Variants in UNC5C observed in about 807,000 individuals in gnomAD.
UNC5C encodes the protein unc-5 netrin receptor C.
A neutral mutation model predicts 99.8 loss-of-function variants in UNC5C; 47 were observed. The ratio of observed to expected loss-of-function variants is 0.47; its 90% CI spans 0.37 to 0.60. UNC5C has a LOEUF of 0.60. Among genes scored for constraint, UNC5C ranks in the 20% least tolerant of loss-of-function variants. UNC5C has a pLI of 0.00. For missense variants in UNC5C, 1,062 were observed against 1,165.9 expected, an observed-to-expected ratio of 0.91 and a Z score of 1.30; for synonymous variants, 487 against 452.2, an observed-to-expected ratio of 1.08 and a Z score of -0.98.
At chr4:95,387,676 T>C (rs1745249846) in intron 1 of UNC5C, among the ~76,000 whole-genome samples, 1 of 152,246 alleles carries the variant, frequency 6.6e-6, no homozygotes, top group Non-Finnish European at 1.5e-5. Context: ...TGAACTTTTG[T>C]AATCTGCCAG....
chr4:95,338,880 G>A (rs1161354357), intron 1 of UNC5C, among the ~76,000 whole-genome samples: 1 of 151,972 alleles, frequency 6.6e-6, no homozygotes, highest in Non-Finnish European at 1.5e-5. Context: ...GTGTGGCCCG[G>A]TGTAGAATGA....
At chr4:95,207,209 G>A (rs971908888) in intron 10 of UNC5C, among the ~76,000 whole-genome samples, 5 of 152,056 alleles carry the variant, frequency 3.3e-5, no homozygotes. Context: ...TGTGGTTTCA[G>A]GACCTGACTT....
At chr4:95,201,630 G>A (rs1439464250) in intron 12 of UNC5C, among the ~76,000 whole-genome samples, 1 of 150,154 alleles carries the variant, frequency 6.7e-6, no homozygotes, top group Non-Finnish European at 1.5e-5. Flanking sequence ...TTCAGACAGA[G>A]TTTCACTCTG....
At chr4:95,430,845 G>C (rs1746616762) in intron 1 of UNC5C, among the ~76,000 whole-genome samples, 1 of 152,058 alleles carries the variant, frequency 6.6e-6, no homozygotes, top group Non-Finnish European at 1.5e-5. Context: ...ATGAATGGTG[G>C]TGAGCTCCAC....
rs1003671779 is a variant in UNC5C at position 95,168,175 on chromosome 4, A to C, written c.*1059T>G. On this transcript the variant is annotated 3_prime_UTR_variant, in exon 16 of 16. Coordinates refer to ENST00000453304, the MANE Select transcript of UNC5C (RefSeq NM_003728.4). ...TTAAGACTCCTCAGAGGAGAAAGAA[A>C]GACCCTGCCTGAGCAAGCTGAAGGA... 3 of 152,230 alleles carry C rather than the reference A, an allele frequency of 2.0e-5. No homozygotes were observed. Among genetic ancestry groups the C allele is most frequent in the African/African-American group, 7.2e-5 (3 of 41,452 alleles). 9.4% of individuals were successfully genotyped at this position (152,230 alleles called of 1,614,324 possible).
intron 13 of UNC5C, 46 bp downstream of exon 13, chr4:95,185,001 T>C: frequency 6.5e-7 from 1 of 1,544,306 alleles, no homozygotes; most frequent in African/African-American, 1.4e-5. Context: ...TTAGACCTCT[T>C]TCTTAGAGAT....
intron 12 of UNC5C, 116 bp from the exon 13 acceptor site, chr4:95,185,312 C>T: frequency 1.6e-6 from 2 of 1,245,188 alleles, no homozygotes; most frequent in Non-Finnish European, 1.1e-6. Context: ...ACTTGTGCAA[C>T]ACCTTGAACA....
chr4:95,292,702 G>A (rs971043176), intron 3 of UNC5C, among the ~76,000 whole-genome samples: 13 of 152,114 alleles, frequency 8.5e-5, no homozygotes, highest in African/African-American at 2.4e-4. Flanking sequence ...CCAGCTACCT[G>A]ATGTTCTTGA....
At position 95,504,606 on chromosome 4, in the gene UNC5C, C is replaced by A. The variant is rs75433160; in HGVS notation, c.124+44128G>T. Among the ~76,000 whole-genome samples the A allele has an allele frequency of 1.6e-4, 24 of 152,046 alleles. No homozygotes were observed. The East Asian group carries it at 3.7e-3, about 23-fold the overall frequency. On this transcript the variant is annotated intron_variant, in intron 1 of 15. Coordinates refer to ENST00000453304, the MANE Select transcript of UNC5C (RefSeq NM_003728.4). ...ATTATTTAAAGGCAAGGAGAAAATTCTTTTAAATTGGAGAAAAACACACGT... is the reference window on the plus strand; with the variant it reads ...ATTATTTAAAGGCAAGGAGAAAATTATTTTAAATTGGAGAAAAACACACGT...
At position 95,374,915 on chromosome 4, in the gene UNC5C, T is replaced by C. The variant is rs567940472; in HGVS notation, c.125-39284A>G. ...AGGAAGTTAAAAATGTTATGGTTGC[T>C]AAATTATAATAACATCGCAGGTTGA... On this transcript the variant is annotated intron_variant, in intron 1 of 15. Transcript: ENST00000453304. 3.9e-5 allele frequency among the ~76,000 whole-genome samples: 6 copies of C among 152,352 alleles called. 1 individual carries two copies. In the South Asian group the frequency reaches 1.2e-3, roughly 32 times the overall value.
intron 1 of UNC5C, among the ~76,000 whole-genome samples, chr4:95,387,056 T>C (rs1416451511): frequency 1.4e-5 from 2 of 143,280 alleles, no homozygotes; most frequent in Non-Finnish European, 3.0e-5. Flanking sequence ...CATAAAGAAG[T>C]AATATTTAAA....
intron 12 of UNC5C, among the ~76,000 whole-genome samples, chr4:95,188,208 T>C (rs1196113245): frequency 3.3e-5 from 5 of 152,128 alleles, no homozygotes; most frequent in Non-Finnish European, 7.4e-5. Context: ...CTTTCACTAG[T>C]ACCTGGGGAA....
At chr4:95,375,251 T>C (rs981443993) in intron 1 of UNC5C, among the ~76,000 whole-genome samples, 4 of 152,062 alleles carry the variant, frequency 2.6e-5, no homozygotes, top group African/African-American at 4.8e-5. Context: ...TTAGAATTGG[T>C]TATGAAGAAC....
At chr4:95,494,775 A>G (rs1721585514) in intron 1 of UNC5C, among the ~76,000 whole-genome samples, 1 of 151,514 alleles carries the variant, frequency 6.6e-6, no homozygotes, top group Non-Finnish European at 1.5e-5. Context: ...GCCTTTAAAG[A>G]GCAGAACTGA....
chr4:95,169,053 T>C lies in UNC5C; in HGVS notation c.*181A>G. The stretch of plus-strand genomic sequence containing the variant: ...CAATTTTTCTTAACTCCCGTGATGA[T>C]GTCCGAGTAAAGTGGGCATGTACAT... On this transcript the variant is annotated 3_prime_UTR_variant, in exon 16 of 16. Transcript: ENST00000453304. 2 of 668,504 alleles carry C rather than the reference T, an allele frequency of 3.0e-6. No homozygotes were observed. Among genetic ancestry groups the C allele is most frequent in the Non-Finnish European group, 2.5e-6 (1 of 403,470 alleles). The allele number at this position is 668,504 out of a possible 1,614,324, so 41.4% of individuals were successfully genotyped here. A position where few individuals can be genotyped will look rare whatever the true frequency, so the allele number is the denominator to read the frequency against.
At chr4:95,537,486 C>T (rs557878941) in intron 1 of UNC5C, among the ~76,000 whole-genome samples, 2 of 152,152 alleles carry the variant, frequency 1.3e-5, no homozygotes, top group African/African-American at 2.4e-5. Context: ...TCTCGTTTGT[C>T]TCCACAATGG....
chr4:95,405,080 C>G (rs1326556331), intron 1 of UNC5C, among the ~76,000 whole-genome samples: 3 of 152,186 alleles, frequency 2.0e-5, no homozygotes, highest in Non-Finnish European at 4.4e-5. Context: ...CCCGAATCTT[C>G]CGGGATGCTG....
At chr4:95,237,768 C>A (rs1255848439) in intron 7 of UNC5C, among the ~76,000 whole-genome samples, 2 of 152,112 alleles carry the variant, frequency 1.3e-5, no homozygotes, top group Non-Finnish European at 2.9e-5. Flanking sequence ...ACTGAACAGA[C>A]CCGGCGCAGT....
Position 95,548,852 on chromosome 4 carries a change from C to T in UNC5C, c.6G>A (p.Arg2=), listed in dbSNP as rs1352185102. The T allele has an allele frequency of 1.2e-6, 2 of 1,613,026 alleles. No individual in the cohort carries two copies. Among genetic ancestry groups the T allele is most frequent in the Admixed American group, 1.7e-5 (1 of 60,012 alleles). Residue 2 remains arginine, a synonymous_variant, in exon 1 of 16, where the codon AGG becomes AGA. Coordinates refer to ENST00000453304, the MANE Select transcript of UNC5C (RefSeq NM_003728.4). M[R]KGLRATAARC... The stretch of plus-strand genomic sequence containing the variant: ...GGGCCGCTGTCGCCCGCAGACCTTT[C>T]CTCATCGTAGACAGAGGTGTGCCGG...
Sources: gnomAD v4.1 joint callset for allele counts (sites outside exome capture counted in the v4.1 genomes callset) on GRCh38, gnomAD v4.1.1 for gene constraint, MANE v1.5 for transcripts, NCBI Gene and HGNC (gene_info 2026-07-23, HGNC 2026-07-21) for gene names.